Variants in LRP12 observed in about 807,000 individuals in gnomAD.
LRP12 encodes the protein low-density lipoprotein receptor-related protein 12.
In LRP12, 14 loss-of-function variants were observed where a neutral mutation model predicts 66.0. That is an observed-to-expected ratio of 0.21 (90% confidence interval 0.14 to 0.33). The LOEUF (loss-of-function observed/expected upper bound fraction) is 0.33. Among genes scored for constraint, LRP12 ranks in the 10% least tolerant of loss-of-function variants. The probability of loss-of-function intolerance (pLI) is 1.00; values close to 1 mark genes in which losing one functional copy is unlikely to be tolerated. For missense variants in LRP12, 889 were observed against 1,053.4 expected (o/e 0.84, Z 2.16); for synonymous variants, 357 against 359.1 (o/e 0.99, Z 0.07).
Position 104,584,077 on chromosome 8 carries a change from A to G in LRP12, c.79+4742T>C, listed in dbSNP as rs193142938. On this transcript the variant is annotated intron_variant, in intron 1 of 6. Coordinates refer to ENST00000276654, the MANE Select transcript of LRP12 (RefSeq NM_013437.5). ...ATTTGTATTTGCAGGATCTAATCCT[A>G]AATTTTAGAAAATGGGAATAAATAA... Among the ~76,000 whole-genome samples the G allele has an allele frequency of 1.1e-4, 16 of 152,144 alleles. 1 individual carries two copies. The highest frequency in any genetic ancestry group is 3.6e-4 in the African/African-American group (15 of 41,570).
intron 1 of LRP12, 37 bp from the exon 2 acceptor site, chr8:104,532,000 A>C: frequency 7.1e-7 from 1 of 1,406,742 alleles, no homozygotes; most frequent in Non-Finnish European, 9.7e-7. Context: ...AATATCCAAG[A>C]TAAAATTACA....
intron 1 of LRP12, among the ~76,000 whole-genome samples, chr8:104,540,588 T>A (rs1197810777): frequency 6.6e-6 from 1 of 152,230 alleles, no homozygotes; most frequent in Non-Finnish European, 1.5e-5. Context: ...ATCCTAAAAG[T>A]ATTATTTCTG....
chr8:104,577,160 A>G (rs557055937), intron 1 of LRP12, among the ~76,000 whole-genome samples: 1 of 152,276 alleles, frequency 6.6e-6, no homozygotes, highest in South Asian at 2.1e-4. Flanking sequence ...CCTCACTGAC[A>G]GTATTAGATC....
intron 2 of LRP12, among the ~76,000 whole-genome samples, chr8:104,517,253 G>A (rs983671505): frequency 2.0e-5 from 3 of 150,430 alleles, no homozygotes; most frequent in Non-Finnish European, 3.0e-5. Context: ...AGTATCACAT[G>A]TTCAGTTATA....
At chr8:104,548,160 T>TATATAATA (rs1465502576) in intron 1 of LRP12, among the ~76,000 whole-genome samples, 1 of 57,290 alleles carries the variant, frequency 1.7e-5, no homozygotes, top group African/African-American at 8.6e-5. Context: ...ATATTAATAA[T>TATATAATA]TATTATATAT....
At chr8:104,564,162 C>T (rs1411363552) in intron 1 of LRP12, among the ~76,000 whole-genome samples, 1 of 152,050 alleles carries the variant, frequency 6.6e-6, no homozygotes, top group Admixed American at 6.6e-5. Context: ...AGATGATACT[C>T]CAGATATGTA....
Position 104,490,509 on chromosome 8 carries a change from A to G in LRP12, c.*164T>C. Reference sequence around the variant, plus strand: ...CTAAAATAGTAAACTCTAAGTTCATAGAGTTACAAGTTGTCGAATTTAACC... The same window carrying G: ...CTAAAATAGTAAACTCTAAGTTCATGGAGTTACAAGTTGTCGAATTTAACC... On this transcript the variant is annotated 3_prime_UTR_variant, in exon 7 of 7. Coordinates refer to ENST00000276654, the MANE Select transcript of LRP12 (RefSeq NM_013437.5). The G allele has an allele frequency of 4.4e-6, 3 of 689,520 alleles. No individual in the cohort carries two copies. Among genetic ancestry groups the G allele is most frequent in the Non-Finnish European group, 7.1e-6 (3 of 424,962 alleles). 42.7% of individuals were successfully genotyped at this position (689,520 alleles called of 1,614,324 possible).
chr8:104,513,753 G>A (rs1423808913), intron 2 of LRP12, among the ~76,000 whole-genome samples: 1 of 152,176 alleles, frequency 6.6e-6, no homozygotes, highest in Non-Finnish European at 1.5e-5. Flanking sequence ...CAGCCAGCCA[G>A]CCAGTCCTTG....
intron 1 of LRP12, among the ~76,000 whole-genome samples, chr8:104,567,166 A>G (rs1436555791): frequency 6.6e-6 from 1 of 152,166 alleles, no homozygotes; most frequent in African/African-American, 2.4e-5. Context: ...AAAGCCATTT[A>G]GATTGGAAGG....
chr8:104,516,055 G>C (rs1172297861), intron 2 of LRP12, among the ~76,000 whole-genome samples: 1 of 152,086 alleles, frequency 6.6e-6, no homozygotes, highest in Non-Finnish European at 1.5e-5. Context: ...AGCCCAGCCA[G>C]TATCAACTTT....
At chr8:104,532,053 A>G (rs1811332229) in intron 1 of LRP12, 90 bp from the exon 2 acceptor site, 2 of 733,826 alleles carry the variant, frequency 2.7e-6, no homozygotes, top group Non-Finnish European at 4.6e-6. Context: ...ACAACTACAT[A>G]GAGTTCCTTT....
intron 2 of LRP12, among the ~76,000 whole-genome samples, chr8:104,530,130 G>A (rs1811303630): frequency 6.6e-6 from 1 of 151,960 alleles, no homozygotes; most frequent in Non-Finnish European, 1.5e-5. Flanking sequence ...ACATGCAATA[G>A]GTTACTGTTA....
chr8:104,494,108 G>A (rs751098403), intron 6 of LRP12, among the ~76,000 whole-genome samples: 1 of 152,102 alleles, frequency 6.6e-6, no homozygotes, highest in African/African-American at 2.4e-5. Flanking sequence ...CATGGTGGGT[G>A]GTAGAGAATG....
chr8:104,576,808 G>A (rs1812172019), intron 1 of LRP12, among the ~76,000 whole-genome samples: 1 of 152,066 alleles, frequency 6.6e-6, no homozygotes, highest in Admixed American at 6.6e-5. Flanking sequence ...AAAAGACACA[G>A]AATGGCAAGC....
At chr8:104,498,240 C>T (rs1045396016) in intron 4 of LRP12, among the ~76,000 whole-genome samples, 164 bp from the exon 5 acceptor site, 8 of 152,072 alleles carry the variant, frequency 5.3e-5, no homozygotes, top group African/African-American at 1.9e-4. Flanking sequence ...ATTTTAAGTT[C>T]CAGGGTACAT....
At chr8:104,521,717 T>C (rs77996108) in intron 2 of LRP12, among the ~76,000 whole-genome samples, 664 of 151,892 alleles carry the variant, frequency 4.4e-3, no homozygotes, top group Non-Finnish European at 7.9e-3. Flanking sequence ...TTTTATATTC[T>C]GAAATCCTAA....
intron 1 of LRP12, among the ~76,000 whole-genome samples, chr8:104,557,515 C>G (rs1338986110): frequency 6.7e-6 from 1 of 149,816 alleles, no homozygotes; most frequent in Non-Finnish European, 1.5e-5. Context: ...ATCAAGGACC[C>G]AATTTGCAAT....
At chr8:104,545,070 A>C (rs1811534441) in intron 1 of LRP12, among the ~76,000 whole-genome samples, 1 of 152,170 alleles carries the variant, frequency 6.6e-6, no homozygotes, top group Non-Finnish European at 1.5e-5. Context: ...GCTTGGATGA[A>C]GTTGATTCCA....
chr8:104,588,792 G>C, intron 1 of LRP12, 27 bp downstream of exon 1: 3 of 1,607,824 alleles, frequency 1.9e-6, no homozygotes, highest in Non-Finnish European at 2.5e-6. Context: ...TGTTCGGTCA[G>C]CGGGGCGCGG....
Sources: gnomAD v4.1 joint callset for allele counts (sites outside exome capture counted in the v4.1 genomes callset) on GRCh38, gnomAD v4.1.1 for gene constraint, MANE v1.5 for transcripts, NCBI Gene and HGNC (gene_info 2026-07-23, HGNC 2026-07-21) for gene names.